The following SLIT1 variants were observed in gnomAD, a reference collection of about 807,000 sequenced individuals.
SLIT1 encodes the protein slit homolog 1 protein.
In SLIT1, 66 loss-of-function variants were observed where a neutral mutation model predicts 186.1. That is an observed-to-expected ratio of 0.35 (90% CI 0.29 to 0.44). The LOEUF is 0.44. Among genes scored for constraint, SLIT1 ranks in the 20% least tolerant of loss-of-function variants. SLIT1 has a pLI of 1.00. For missense variants in SLIT1, 1,638 were observed against 2,037.4 expected (o/e 0.80, Z 3.77); for synonymous variants, 761 against 833.8 (o/e 0.91, Z 1.50).
intron 4 of SLIT1, among the ~76,000 whole-genome samples, chr10:97,080,090 G>A (rs1264390525): frequency 6.6e-6 from 1 of 152,182 alleles, no homozygotes; most frequent in East Asian, 1.9e-4. Context: ...ACAAAAGAGA[G>A]GTGCAGCCTG....
chr10:97,071,607 G>A (rs543573010), intron 4 of SLIT1, among the ~76,000 whole-genome samples: 5 of 152,326 alleles, frequency 3.3e-5, no homozygotes, highest in African/African-American at 1.2e-4. Flanking sequence ...AGAAGAGGAG[G>A]AATCAATGGC....
chr10:97,005,088 G>A (rs567561488), intron 32 of SLIT1, among the ~76,000 whole-genome samples: 2 of 152,276 alleles, frequency 1.3e-5, no homozygotes, highest in East Asian at 3.9e-4. Context: ...GAAACTCTGT[G>A]CCAGGAAGAG....
intron 36 of SLIT1, 55 bp from the exon 37 acceptor site, chr10:97,001,405 C>G (rs1289574963): frequency 7.2e-7 from 1 of 1,383,694 alleles, no homozygotes; most frequent in Admixed American, 1.9e-5. Flanking sequence ...GGGTGAGCTG[C>G]TGCCTCCAGG....
At chr10:97,060,901 G>T in intron 8 of SLIT1, 114 bp from the exon 9 acceptor site, 6 of 1,164,590 alleles carry the variant, frequency 5.2e-6, no homozygotes, top group Non-Finnish European at 7.1e-6. Context: ...TCTCGATAAG[G>T]ATGAACCAGA....
intron 4 of SLIT1, among the ~76,000 whole-genome samples, chr10:97,106,638 G>GT (rs142932695): frequency 7.4e-6 from 1 of 134,860 alleles, no homozygotes; most frequent in African/African-American, 3.1e-5. Context: ...ACAAATTAAA[G>GT]TTGTTTTTTT....
chr10:97,040,049 G>T lies in SLIT1; in HGVS notation c.2236C>A (p.Arg746=). 1.2e-6 allele frequency: 2 copies of T among 1,612,800 alleles called. No homozygotes were observed. Among genetic ancestry groups the T allele is most frequent in the South Asian group, 2.2e-5 (2 of 90,944 alleles). Reference sequence around the variant, plus strand: ...GCCCGCAGGTGCTTGTTGCTGCATCGGACCACGGTGTCCAGGCAGGCGCAC... The same window carrying T: ...GCCCGCAGGTGCTTGTTGCTGCATCTGACCACGGTGTCCAGGCAGGCGCAC... ...QECACLDTVV[R]CSNKHLRALP... Residue 746 remains arginine (R), a synonymous_variant, in exon 21 of 37, where the codon CGA becomes AGA. Transcript: ENST00000266058.
rs535549413 is a variant in SLIT1, at chr10:97,054,349, C to T, written c.1301+1972G>A. Among the ~76,000 whole-genome samples, 4 of 152,064 alleles carry T rather than the reference C, an allele frequency of 2.6e-5. 1 individual carries two copies. In the South Asian group the frequency reaches 6.2e-4, roughly 24 times the overall value. On this transcript the variant is annotated intron_variant, in intron 13 of 36. Transcript: ENST00000266058. ...TGATTGTAAGCTTCCTGAGGCCTCA[C>T]CAGAAGCCAAGCAGATGTTGGTGCC...
At chr10:97,133,677 A>AT (rs1374933096) in intron 4 of SLIT1, among the ~76,000 whole-genome samples, 1 of 152,178 alleles carries the variant, frequency 6.6e-6, no homozygotes, top group African/African-American at 2.4e-5. Flanking sequence ...CACAATTTAA[A>AT]TTTTTTTAAT....
intron 4 of SLIT1, 119 bp downstream of exon 4, chr10:97,157,699 G>GAGGA (rs1345452974): frequency 1.3e-6 from 1 of 758,578 alleles, no homozygotes; most frequent in Non-Finnish European, 2.3e-6. Context: ...CCTGCCAGGG[G>GAGGA]AGGAGCACAG....
At chr10:97,158,446 G>C (rs1433047458) in intron 3 of SLIT1, among the ~76,000 whole-genome samples, 1 of 152,064 alleles carries the variant, frequency 6.6e-6, no homozygotes, top group African/African-American at 2.4e-5. Context: ...CGGATCACCT[G>C]AGGTCAGGAG....
intron 1 of SLIT1, among the ~76,000 whole-genome samples, chr10:97,168,048 C>T (rs1358814833): frequency 2.0e-5 from 3 of 152,224 alleles, no homozygotes; most frequent in African/African-American, 7.2e-5. Flanking sequence ...CTCACAAACA[C>T]ACACACATGA....
intron 4 of SLIT1, among the ~76,000 whole-genome samples, chr10:97,156,886 T>G (rs914213457): frequency 6.6e-6 from 1 of 152,278 alleles, no homozygotes; most frequent in African/African-American, 2.4e-5. Context: ...GTGCCAGGCA[T>G]GCAGAAGGCC....
intron 6 of SLIT1, 150 bp from the exon 7 acceptor site, chr10:97,064,389 C>A (rs535312097): frequency 1.4e-6 from 1 of 693,942 alleles, no homozygotes; most frequent in Non-Finnish European, 2.6e-6. Flanking sequence ...GAGCATGAGG[C>A]ATATCCCACC....
chr10:97,019,501 A>G (rs1368991074), intron 26 of SLIT1, among the ~76,000 whole-genome samples: 2 of 152,132 alleles, frequency 1.3e-5, no homozygotes, highest in East Asian at 3.9e-4. Context: ...CAATGACCCC[A>G]TCCTGACACC....
intron 17 of SLIT1, 21 bp downstream of exon 17, chr10:97,046,967 CCTT>C: frequency 1.9e-6 from 3 of 1,591,716 alleles, no homozygotes; most frequent in Non-Finnish European, 2.6e-6. Context: ...CCAACAGACA[CCTT>C]CTCGCCAATG....
chr10:97,018,308 A>G (rs1848471511), intron 28 of SLIT1, among the ~76,000 whole-genome samples: 1 of 152,234 alleles, frequency 6.6e-6, no homozygotes, highest in Non-Finnish European at 1.5e-5. Flanking sequence ...AGCCCACTCC[A>G]AGCCCTGCTC....
chr10:97,033,943 C>G (rs1447801690), intron 23 of SLIT1, among the ~76,000 whole-genome samples: 1 of 150,686 alleles, frequency 6.6e-6, no homozygotes, highest in South Asian at 2.1e-4. Context: ...TGGCTCACTG[C>G]AAGCTCCACC....
chr10:97,091,824 A>G (rs1047291139), intron 4 of SLIT1, among the ~76,000 whole-genome samples: 1 of 152,228 alleles, frequency 6.6e-6, no homozygotes, highest in African/African-American at 2.4e-5. Flanking sequence ...CCCATAGGCT[A>G]AGTGCCCTTG....
chr10:97,177,098 G>A (rs1254646698), intron 1 of SLIT1, among the ~76,000 whole-genome samples: 1 of 152,084 alleles, frequency 6.6e-6, no homozygotes, highest in East Asian at 1.9e-4. Flanking sequence ...TTTTGTACCG[G>A]CCTCCCAGGA....
Sources: gnomAD v4.1 joint callset for allele counts (sites outside exome capture counted in the v4.1 genomes callset) on GRCh38, gnomAD v4.1.1 for gene constraint, MANE v1.5 for transcripts, NCBI Gene and HGNC (gene_info 2026-07-23, HGNC 2026-07-21) for gene names.